The following PIGX variants were observed in gnomAD, a reference collection of about 807,000 sequenced individuals.
The protein encoded by PIGX is phosphatidylinositol glycan anchor biosynthesis class X.
A neutral mutation model predicts 28.7 loss-of-function variants in PIGX; 24 were observed. The ratio of observed to expected loss-of-function variants is 0.84; its 90% CI spans 0.60 to 1.17. The LOEUF is 1.17. Ranked by LOEUF, PIGX falls within the 50% of genes most tolerant of loss-of-function variation. The probability of loss-of-function intolerance (pLI) is 0.00; values close to 1 mark genes in which losing one functional copy is unlikely to be tolerated. For synonymous variants in PIGX, 127 were observed against 121.0 expected (o/e 1.05, Z -0.33); for missense variants, 305 against 317.8 (o/e 0.96, Z 0.31).
rs1560080859 is a variant in PIGX at position 196,732,280 on chromosome 3, TTTATTTTA to T, written c.633+1191_633+1198del. On this transcript the variant is annotated intron_variant, in intron 5 of 5. Transcript: ENST00000392391. ...TATTTTATTTTATTTTATTTTTTTT[TTTATTTTA>T]TTTTTTTTTTTGAGACGGAGTCTCG... Among the ~76,000 whole-genome samples, 372 of 87,408 alleles carry T rather than the reference TTTATTTTA, an allele frequency of 4.3e-3. 52 individuals are homozygous for T. The highest frequency in any genetic ancestry group is 0.017 in the African/African-American group (343 of 19,954). 57.3% of individuals were successfully genotyped at this position (87,408 alleles called of 152,430 possible).
chr3:196,724,058 C>A (rs937165163), intron 3 of PIGX, among the ~76,000 whole-genome samples: 4 of 145,298 alleles, frequency 2.8e-5, no homozygotes, highest in Non-Finnish European at 6.0e-5. Context: ...GTCTCTGTTG[C>A]CTAGGCTGGA....
In PIGX at chr3:196,728,073, A is replaced by G. The variant is rs1712597100; in HGVS notation, c.469A>G (p.Ser157Gly). 2 of 1,614,158 alleles carry G rather than the reference A, an allele frequency of 1.2e-6. No homozygotes were observed. The highest frequency in any genetic ancestry group is 1.7e-6 in the Non-Finnish European group (2 of 1,180,020). The change falls in exon 4 of 6, where the codon AGT becomes GGT. Residue 157 changes from serine (S) to glycine (G), a missense_variant. Physicochemically the swap from Ser to Gly is moderately conservative, Grantham distance 56. Transcript: ENST00000392391. ...GCACTGCCGCTATCATCGGCCGCAC[A>G]GTGAAGATGGAGAAGCCTCGATTGT... is the stretch of plus-strand genomic sequence containing the variant.
chr3:196,733,712 C>A lies in PIGX; in HGVS notation c.634-47C>A. 2 of 1,439,144 alleles carry A rather than the reference C, an allele frequency of 1.4e-6. No individual in the cohort carries two copies. Among genetic ancestry groups the A allele is most frequent in the Non-Finnish European group, 2.0e-6 (2 of 1,025,412 alleles). The allele number at this position is 1,439,144 out of a possible 1,614,324, so 89.1% of individuals were successfully genotyped here. A position where few individuals can be genotyped will look rare whatever the true frequency, so the allele number is the denominator to read the frequency against. Reference sequence around the variant, plus strand: ...ACAGGCATGAGCTACCACACCGGGCCCATGACATGCATTTTCAATGTCTAA... The same window carrying A: ...ACAGGCATGAGCTACCACACCGGGCACATGACATGCATTTTCAATGTCTAA... On this transcript the variant is annotated intron_variant, in intron 5 of 5. Coordinates refer to ENST00000392391, the MANE Select transcript of PIGX (RefSeq NM_017861.4). This position sits in a 1 kb window ranked among gnomAD's most constrained non-coding sequence, Gnocchi z 4.3.
intron 2 of PIGX, 105 bp from the exon 3 acceptor site, chr3:196,722,310 A>G (rs1712355958): frequency 1.2e-6 from 1 of 806,390 alleles, no homozygotes; most frequent in South Asian, 1.9e-5. Flanking sequence ...ACTTTTGGAA[A>G]ATGAATTTTG....
chr3:196,726,602 T>G (rs1193369943), intron 3 of PIGX: 1 of 448,368 alleles, frequency 2.2e-6, no homozygotes, highest in African/African-American at 2.0e-5. Flanking sequence ...GATGAATGAT[T>G]TGGAAACCAT....
chr3:196,716,748 T>C (rs1712111742), intron 1 of PIGX, 110 bp from the exon 2 acceptor site: 6 of 464,062 alleles, frequency 1.3e-5, no homozygotes, highest in Non-Finnish European at 2.1e-5. Flanking sequence ...TTTAGGTTGG[T>C]TAGATTTTCT....
intron 5 of PIGX, among the ~76,000 whole-genome samples, chr3:196,732,244 A>AT (rs1362729342): frequency 7.8e-4 from 25 of 31,952 alleles, no homozygotes; most frequent in African/African-American, 3.9e-3. Context: ...ATATATATAT[A>AT]TATATATATA....
chr3:196,715,044 G>C (rs1169771356), intron 1 of PIGX, among the ~76,000 whole-genome samples: 3 of 152,080 alleles, frequency 2.0e-5, no homozygotes, highest in Non-Finnish European at 4.4e-5. Context: ...CAACTGCAGT[G>C]CAGCCTGGCA....
chr3:196,716,385 C>T (rs1560075132), intron 1 of PIGX, among the ~76,000 whole-genome samples: 1 of 152,094 alleles, frequency 6.6e-6, no homozygotes, highest in South Asian at 2.1e-4. Context: ...ATCTGATACA[C>T]AGTTTCAGTG....
At chr3:196,716,535 G>A (rs1712104366) in intron 1 of PIGX, among the ~76,000 whole-genome samples, 1 of 152,106 alleles carries the variant, frequency 6.6e-6, no homozygotes, top group African/African-American at 2.4e-5. Context: ...ACTGTTCTAA[G>A]TGCTTCTACT....
In PIGX at chr3:196,712,536, G is replaced by T. The variant is rs947150543; in HGVS notation, c.4G>T (p.Ala2Ser). Residue 2 changes from alanine (A) to serine (S), a missense_variant, in exon 1 of 6, where the codon GCG becomes TCG. Ala to Ser is a moderately conservative substitution (Grantham distance 99). Transcript: ENST00000392391. ...CGGGCGTCCGGCTTCCGGCGTCCTG[G>T]CGGCTCGGGTGGCGGCGGTTCGGGC... 23 of 1,169,602 alleles carry T rather than the reference G, an allele frequency of 2.0e-5. No individual in the cohort carries two copies. The East Asian group carries it at 7.8e-4, about 40-fold the overall frequency. The allele number at this position is 1,169,602 out of a possible 1,614,324, so 72.5% of individuals were successfully genotyped here.
chr3:196,732,245 TATATATATATATTTTATTTTA>T (rs1560080645), intron 5 of PIGX, among the ~76,000 whole-genome samples: 26 of 41,026 alleles, frequency 6.3e-4, no homozygotes, highest in Admixed American at 1.0e-3. Context: ...TATATATATA[TATATATATATATTTTATTTTA>T]TTTTATTTTT....
At position 196,735,592 on chromosome 3, in the gene PIGX, A is replaced by C. The variant is rs753320012; in HGVS notation, c.*1690A>C. On this transcript the variant is annotated 3_prime_UTR_variant, in exon 6 of 6. Transcript: ENST00000392391. ...AAGGTAACCCAGTGCCATAAAGCAG[A>C]AACAGTGACCTTTAAAATGACTAAA... 1.3e-5 allele frequency: 2 copies of C among 152,194 alleles called. No homozygotes were observed. The highest frequency in any genetic ancestry group is 2.4e-5 in the African/African-American group (1 of 41,446). 9.4% of individuals were successfully genotyped at this position (152,194 alleles called of 1,614,324 possible).
At chr3:196,730,917 A>G (rs191076178) in intron 4 of PIGX, 75 bp from the exon 5 acceptor site, 9 of 788,802 alleles carry the variant, frequency 1.1e-5, no homozygotes, top group Admixed American at 1.1e-4. Flanking sequence ...ACTTCTGTCT[A>G]TTGAGGTTTA....
intron 3 of PIGX, among the ~76,000 whole-genome samples, chr3:196,726,043 A>G (rs916052496): frequency 2.0e-5 from 3 of 152,196 alleles, no homozygotes; most frequent in African/African-American, 7.2e-5. Context: ...ATGGGGGGAA[A>G]AATGACCTAT....
rs1175724043 is a variant in PIGX at position 196,712,511 on chromosome 3, C to T, written c.-22C>T. The stretch of plus-strand genomic sequence containing the variant: ...CGCACCTGGCCCCGCGCGCCCCTCT[C>T]GGGCGTCCGGCTTCCGGCGTCCTGG... On this transcript the variant is annotated 5_prime_UTR_variant, in exon 1 of 6. Transcript: ENST00000392391. 2 of 1,125,322 alleles carry T rather than the reference C, an allele frequency of 1.8e-6. No individual in the cohort carries two copies. The highest frequency in any genetic ancestry group is 1.6e-5 in the African/African-American group (1 of 61,044). The allele number at this position is 1,125,322 out of a possible 1,614,324, so 69.7% of individuals were successfully genotyped here. A position where few individuals can be genotyped will look rare whatever the true frequency, so the allele number is the denominator to read the frequency against.
intron 3 of PIGX, among the ~76,000 whole-genome samples, chr3:196,726,114 A>G (rs186963984): frequency 1.4e-4 from 22 of 152,296 alleles, no homozygotes; most frequent in African/African-American, 5.3e-4. Flanking sequence ...GTTAGAATTA[A>G]CATCATCTCT....
intron 3 of PIGX, among the ~76,000 whole-genome samples, chr3:196,725,257 C>T (rs1712477088): frequency 6.6e-6 from 1 of 152,172 alleles, no homozygotes; most frequent in Non-Finnish European, 1.5e-5. Flanking sequence ...ATTAAGGCTT[C>T]TGCTTCTGGT....
chr3:196,732,216 TTATATATATA>T (rs1175656364), intron 5 of PIGX, among the ~76,000 whole-genome samples: 881 of 51,346 alleles, frequency 0.017, 43 homozygotes, highest in East Asian at 0.058. Flanking sequence ...TATATATTAT[TTATATATATA>T]TATATATATA....
Sources: gnomAD v4.1 joint callset for allele counts (sites outside exome capture counted in the v4.1 genomes callset) on GRCh38, gnomAD v4.1.1 for gene constraint, Gnocchi (gnomAD v3.1) non-coding constraint, MANE v1.5 for transcripts, NCBI Gene and HGNC (gene_info 2026-07-23, HGNC 2026-07-21) for gene names.